STK17A: variants seen among roughly 807,000 people sequenced by gnomAD.
The protein encoded by STK17A is serine/threonine-protein kinase 17A.
In STK17A, 26 loss-of-function variants were observed where a neutral mutation model predicts 43.7. The observed-to-expected ratio is 0.60, with a 90% CI of 0.44 to 0.83. The LOEUF (loss-of-function observed/expected upper bound fraction) is 0.83. STK17A is among the 40% of genes least tolerant of loss of function. The pLI is 0.00. For synonymous variants in STK17A, 191 were observed against 182.5 expected (o/e 1.05, Z -0.38); for missense variants, 476 against 511.6 (o/e 0.93, Z 0.67).
intron 1 of STK17A, among the ~76,000 whole-genome samples, chr7:43,588,054 A>G (rs2082455215): frequency 6.6e-6 from 1 of 151,642 alleles, no homozygotes; most frequent in African/African-American, 2.4e-5. Flanking sequence ...CTAAGTAGCT[A>G]TAGTCACCTC....
intron 3 of STK17A, among the ~76,000 whole-genome samples, chr7:43,619,293 G>GCAAGCGT (rs1156933274): frequency 6.6e-6 from 1 of 152,310 alleles, no homozygotes; most frequent in Admixed American, 6.5e-5. Flanking sequence ...AATAGTAGGA[G>GCAAGCGT]CAAGCGTGCT....
Position 43,583,464 on chromosome 7 carries a change from G to T in STK17A, c.206+15G>T. On this transcript the variant is annotated intron_variant, in intron 1 of 6. Transcript: ENST00000319357. The stretch of plus-strand genomic sequence containing the variant: ...GAGCTGGGCAGGTGAGGACGGGCGG[G>T]GCCCGGCGCGGAACCTTCCCGGACG... 1 of 1,298,242 alleles carries T rather than the reference G, an allele frequency of 7.7e-7. No homozygotes were observed. Among genetic ancestry groups the T allele is most frequent in the Non-Finnish European group, 9.8e-7 (1 of 1,025,410 alleles). 80.4% of individuals were successfully genotyped at this position (1,298,242 alleles called of 1,614,324 possible).
At chr7:43,606,774 G>A (rs2082594307) in intron 2 of STK17A, among the ~76,000 whole-genome samples, 1 of 151,786 alleles carries the variant, frequency 6.6e-6, no homozygotes, top group Admixed American at 6.6e-5. Context: ...AGTTAATATG[G>A]CATTTAGTTT....
chr7:43,610,662 G>A (rs755956868), intron 3 of STK17A, among the ~76,000 whole-genome samples: 6 of 152,020 alleles, frequency 3.9e-5, no homozygotes, highest in Admixed American at 6.6e-5. Context: ...GCGAGACTTC[G>A]TCTCAAAAAA....
intron 2 of STK17A, among the ~76,000 whole-genome samples, chr7:43,604,748 A>G (rs1200362285): frequency 6.6e-6 from 1 of 152,074 alleles, no homozygotes; most frequent in Non-Finnish European, 1.5e-5. Context: ...TTTTTCAGCC[A>G]TGGGTATGTT....
intron 3 of STK17A, among the ~76,000 whole-genome samples, chr7:43,612,634 GAAGT>G (rs1422644679): frequency 5.3e-5 from 8 of 152,352 alleles, no homozygotes; most frequent in African/African-American, 1.9e-4. Context: ...CCCTGTGACA[GAAGT>G]TAGTTGGAAG....
chr7:43,621,787 C>T (rs2153014046), intron 4 of STK17A, among the ~76,000 whole-genome samples: 1 of 152,104 alleles, frequency 6.6e-6, no homozygotes, highest in African/African-American at 2.4e-5. Flanking sequence ...CAAGCTCAAT[C>T]CAAAAAGAAA....
chr7:43,592,572 A>AGGCAT (rs1243964715), intron 1 of STK17A, among the ~76,000 whole-genome samples: 48 of 152,136 alleles, frequency 3.2e-4, no homozygotes, highest in African/African-American at 1.1e-3. Context: ...AGGGCAGGCC[A>AGGCAT]GGCATGGTGG....
Position 43,608,360 on chromosome 7 carries a change from A to G in STK17A, c.524A>G (p.His175Arg). ...ATGCGACAGATTTTAGAAGGTGTTC[A>G]CTTTTTACACACTCGTGATGTAGTT... is the stretch of plus-strand genomic sequence containing the variant. ...RLMRQILEGV[H>R]FLHTRDVVHL... Residue 175 changes from histidine (H) to arginine (R), a missense_variant, in exon 3 of 7, where the codon CAC (histidine) becomes CGC (arginine). Transcript: ENST00000319357. The G allele has an allele frequency of 6.2e-7, 1 of 1,613,994 alleles. No homozygotes were observed. Among genetic ancestry groups the G allele is most frequent in the Non-Finnish European group, 8.5e-7 (1 of 1,179,976 alleles).
Position 43,583,210 on chromosome 7 carries a change from A to G in STK17A, c.-34A>G. On this transcript the variant is annotated 5_prime_UTR_variant, in exon 1 of 7. Coordinates refer to ENST00000319357, the MANE Select transcript of STK17A (RefSeq NM_004760.3). Reference sequence around the variant, plus strand: ...GTGACCCTCCGGCTGCTCGGAGTGAACAGGCGGCCAGGAAAGAAGCGGGCC... The same window carrying G: ...GTGACCCTCCGGCTGCTCGGAGTGAGCAGGCGGCCAGGAAAGAAGCGGGCC... 1 of 1,552,740 alleles carries G rather than the reference A, an allele frequency of 6.4e-7. No homozygotes were observed. The highest frequency in any genetic ancestry group is 1.4e-5 in the African/African-American group (1 of 70,072).
At chr7:43,584,505 T>G (rs2152970035) in intron 1 of STK17A, among the ~76,000 whole-genome samples, 1 of 152,320 alleles carries the variant, frequency 6.6e-6, no homozygotes, top group South Asian at 2.1e-4. Flanking sequence ...ATTGCCAGCA[T>G]TTGTCATGGT....
intron 3 of STK17A, 53 bp downstream of exon 3, chr7:43,608,453 A>G (rs2082635752): frequency 6.4e-7 from 1 of 1,557,290 alleles, no homozygotes; most frequent in Admixed American, 1.9e-5. Flanking sequence ...TTCAAGACAT[A>G]AAATATTTAA....
In STK17A at chr7:43,594,875, T is replaced by TAAAA. The variant is rs199560986; in HGVS notation, c.207-1014_207-1011dup. Among the ~76,000 whole-genome samples, 33 of 107,434 alleles carry TAAAA rather than the reference T, an allele frequency of 3.1e-4. 1 individual carries two copies. The highest frequency in any genetic ancestry group is 4.8e-4 in the African/African-American group (15 of 31,326). The allele number at this position is 107,434 out of a possible 152,430, so 70.5% of individuals were successfully genotyped here. A position where few individuals can be genotyped will look rare whatever the true frequency, so the allele number is the denominator to read the frequency against. The stretch of plus-strand genomic sequence containing the variant: ...AGCAACATAGAGAGACCCAGTCTCT[T>TAAAA]AAAAAAAAAAAAAAAGAAAGAAAGA... On this transcript the variant is annotated intron_variant, in intron 1 of 6. Coordinates refer to ENST00000319357, the MANE Select transcript of STK17A (RefSeq NM_004760.3).
chr7:43,608,257 GC>G lies in STK17A; in HGVS notation c.422del (p.Ala141ValfsTer31), dbSNP rs1563148958. 1 of 1,610,694 alleles carries G rather than the reference GC, an allele frequency of 6.2e-7. No individual in the cohort carries two copies. The highest frequency in any genetic ancestry group is 1.1e-5 in the South Asian group (1 of 89,982). On this transcript the variant is annotated frameshift_variant and splice_region_variant, in exon 3 of 7. Transcript: ENST00000319357. LOFTEE classifies it high-confidence loss of function. ...ASEMILVLEY[A>X]AGGEIFDQCV... Reference sequence around the variant, plus strand: ...TACTTTAATTTTGCCCTTCTCTAGTGCTGCTGGGGGTGAAATCTTTGACCAG... The same window carrying G: ...TACTTTAATTTTGCCCTTCTCTAGTGTGCTGGGGGTGAAATCTTTGACCAG...
In STK17A at chr7:43,626,882, AG is replaced by A. The variant is rs1172414261; in HGVS notation, c.*2043del. On this transcript the variant is annotated 3_prime_UTR_variant, in exon 7 of 7. Transcript: ENST00000319357. Reference sequence around the variant, plus strand: ...CTGTTGTGCTTAAATACTGAGTCATAGGGTGCTTTTTTAAGAGGCCCTTCAG... The same window carrying A: ...CTGTTGTGCTTAAATACTGAGTCATAGGTGCTTTTTTAAGAGGCCCTTCAG... 6.6e-6 allele frequency: 1 copy of A among 152,158 alleles called. No individual in the cohort carries two copies. Among genetic ancestry groups the A allele is most frequent in the Non-Finnish European group, 1.5e-5 (1 of 68,032 alleles). The allele number at this position is 152,158 out of a possible 1,614,324, so 9.4% of individuals were successfully genotyped here.
At chr7:43,600,831 C>T (rs116950752) in intron 2 of STK17A, among the ~76,000 whole-genome samples, 2,952 of 152,302 alleles carry the variant, frequency 0.019, 49 homozygotes, top group Non-Finnish European at 0.029. Flanking sequence ...CCTCCTGCCT[C>T]AGCCTCCCAA....
At position 43,610,116 on chromosome 7, in the gene STK17A, G is replaced by A. The variant is rs1466664613; in HGVS notation, c.564+1716G>A. On this transcript the variant is annotated intron_variant, in intron 3 of 6. Transcript: ENST00000319357. Reference sequence around the variant, plus strand: ...AATCCCAGCACTTTGGGAGGCCGAGGTGGGCGGATCACAAGGTCAGGAGAT... The same window carrying A: ...AATCCCAGCACTTTGGGAGGCCGAGATGGGCGGATCACAAGGTCAGGAGAT... Among the ~76,000 whole-genome samples, 3 of 150,772 alleles carry A rather than the reference G, an allele frequency of 2.0e-5. No homozygotes were observed. The East Asian group carries it at 6.0e-4, about 30-fold the overall frequency.
intron 2 of STK17A, among the ~76,000 whole-genome samples, chr7:43,598,690 A>C (rs2152971440): frequency 6.6e-6 from 1 of 152,228 alleles, no homozygotes; most frequent in African/African-American, 2.4e-5. Context: ...TTTTTTTCAC[A>C]AATGCAGATG....
At position 43,626,141 on chromosome 7, in the gene STK17A, C is replaced by T. The variant is rs962044777; in HGVS notation, c.*1299C>T. ...TGCCTATCACCTGTGTGCTGTGTAC[C>T]GTGGCCATGCCTCGCTCTGCACTAT... is the stretch of plus-strand genomic sequence containing the variant. On this transcript the variant is annotated 3_prime_UTR_variant, in exon 7 of 7. Transcript: ENST00000319357. The T allele has an allele frequency of 2.0e-5, 3 of 152,100 alleles. No homozygotes were observed. Among genetic ancestry groups the T allele is most frequent in the East Asian group, 1.9e-4 (1 of 5,192 alleles). The allele number at this position is 152,100 out of a possible 1,614,324, so 9.4% of individuals were successfully genotyped here. A position where few individuals can be genotyped will look rare whatever the true frequency, so the allele number is the denominator to read the frequency against.
Sources: gnomAD v4.1 joint callset for allele counts (sites outside exome capture counted in the v4.1 genomes callset) on GRCh38, gnomAD v4.1.1 for gene constraint, MANE v1.5 for transcripts, NCBI Gene and HGNC (gene_info 2026-07-23, HGNC 2026-07-21) for gene names.